The following TBXAS1 variants were observed in gnomAD, a reference collection of about 807,000 sequenced individuals.
TBXAS1 encodes thromboxane-A synthase.
Under a neutral mutation model 60.7 loss-of-function variants are expected in TBXAS1, and 48 were observed. The ratio of observed to expected loss-of-function variants is 0.79; its 90% CI spans 0.63 to 1.01. The LOEUF is 1.01. TBXAS1 is among the 50% of genes least tolerant of loss of function. The pLI is 0.00. For synonymous variants in TBXAS1, 287 were observed against 269.7 expected (o/e 1.06, Z -0.63); for missense variants, 685 against 686.3 (o/e 1.00, Z 0.02).
intron 1 of TBXAS1, among the ~76,000 whole-genome samples, chr7:139,836,752 A>G (rs1324078873): frequency 6.6e-6 from 1 of 152,246 alleles, no homozygotes; most frequent in East Asian, 1.9e-4. Flanking sequence ...ACATTGGCTT[A>G]GGCAAGGATT....
chr7:139,827,157 C>G (rs565485827), upstream of TBXAS1, among the ~76,000 whole-genome samples: 2 of 152,336 alleles, frequency 1.3e-5, no homozygotes, highest in South Asian at 2.1e-4. Context: ...TGTGTGCCCT[C>G]CCTGTCTTTT....
chr7:139,925,760 G>A (rs1352166449), intron 4 of TBXAS1, among the ~76,000 whole-genome samples: 1 of 152,148 alleles, frequency 6.6e-6, no homozygotes, highest in Non-Finnish European at 1.5e-5. Context: ...TCCCCATTCA[G>A]TATGATACTA....
intron 3 of TBXAS1, among the ~76,000 whole-genome samples, chr7:139,905,232 G>A (rs1472272267): frequency 6.6e-6 from 1 of 151,870 alleles, no homozygotes; most frequent in African/African-American, 2.4e-5. Context: ...TCCCCATTCA[G>A]TATTATGTTG....
At chr7:139,923,499 T>G (rs1333757690) in intron 4 of TBXAS1, among the ~76,000 whole-genome samples, 1 of 151,892 alleles carries the variant, frequency 6.6e-6, no homozygotes, top group Non-Finnish European at 1.5e-5. Flanking sequence ...ATGGGGTATA[T>G]GAAATATTTT....
intron 4 of TBXAS1, among the ~76,000 whole-genome samples, chr7:139,811,785 T>G (rs113062432): frequency 2.6e-5 from 4 of 152,214 alleles, no homozygotes; most frequent in Non-Finnish European, 5.9e-5. Flanking sequence ...TGGCATGGAA[T>G]GTACTCTGTT....
intron 3 of TBXAS1, among the ~76,000 whole-genome samples, chr7:139,901,400 A>G (rs1317012719): frequency 6.6e-6 from 1 of 152,154 alleles, no homozygotes; most frequent in Non-Finnish European, 1.5e-5. Context: ...TGAAAGTAGA[A>G]GTATTATTTT....
intron 5 of TBXAS1, among the ~76,000 whole-genome samples, chr7:139,946,479 T>C (rs1489358528): frequency 6.6e-6 from 1 of 152,224 alleles, no homozygotes; most frequent in African/African-American, 2.4e-5. Context: ...ATGACAACCA[T>C]ATTCCAGGTG....
At chr7:139,917,487 G>A (rs1806093454) in intron 4 of TBXAS1, among the ~76,000 whole-genome samples, 1 of 152,168 alleles carries the variant, frequency 6.6e-6, no homozygotes, top group Admixed American at 6.5e-5. Flanking sequence ...AGTCGCAATG[G>A]GATGCCTGTC....
At chr7:139,835,209 G>A (rs1007521711) in intron 1 of TBXAS1, among the ~76,000 whole-genome samples, 3 of 151,920 alleles carry the variant, frequency 2.0e-5, no homozygotes, top group Non-Finnish European at 2.9e-5. Flanking sequence ...TGGCACTACA[G>A]GTGCCCGCCA....
chr7:140,017,896 T>C, intron 12 of TBXAS1, 63 bp downstream of exon 12: 17 of 1,611,268 alleles, frequency 1.1e-5, no homozygotes, highest in Non-Finnish European at 1.4e-5. Flanking sequence ...CCCAGTTCTC[T>C]GCGTGAGAGC....
chr7:140,014,336 CG>C (rs1814849915), intron 10 of TBXAS1, among the ~76,000 whole-genome samples: 1 of 152,138 alleles, frequency 6.6e-6, no homozygotes, highest in Admixed American at 6.5e-5. Flanking sequence ...CTGCTCAGGC[CG>C]ACTTCGAGGA....
At chr7:139,840,984 A>C (rs1799399822) in intron 1 of TBXAS1, among the ~76,000 whole-genome samples, 1 of 152,016 alleles carries the variant, frequency 6.6e-6, no homozygotes, top group Non-Finnish European at 1.5e-5. Context: ...GCGCTCTTGC[A>C]TGGGTCAGTC....
At chr7:139,984,894 G>T (rs1812310560) in intron 9 of TBXAS1, among the ~76,000 whole-genome samples, 1 of 134,126 alleles carries the variant, frequency 7.5e-6, no homozygotes, top group Admixed American at 7.8e-5. Context: ...AAAGAAAGCA[G>T]CAAAGAAAGA....
chr7:139,884,202 G>A (rs1260640507), intron 3 of TBXAS1, among the ~76,000 whole-genome samples: 3 of 152,230 alleles, frequency 2.0e-5, no homozygotes, highest in South Asian at 2.1e-4. Context: ...ACCAGCTCCC[G>A]CACCTGACTG....
intron 3 of TBXAS1, among the ~76,000 whole-genome samples, chr7:139,899,175 TG>T (rs1251045767): frequency 6.6e-6 from 1 of 152,218 alleles, no homozygotes; most frequent in African/African-American, 2.4e-5. Context: ...AAATGCTTTC[TG>T]AAGGGACTAG....
Position 139,911,232 on chromosome 7 carries a change from C to T in TBXAS1, c.244C>T (p.Leu82Phe). ...KLYGPLCGYY[L>F]GRRMFIVISE... is the part of the protein sequence containing the mutation. The stretch of plus-strand genomic sequence containing the variant: ...ATTTTTTATTCCTCCCAGGTACTAT[C>T]TTGGTCGTCGGATGTTTATTGTTAT... Residue 82 changes from leucine to phenylalanine, a missense_variant, in exon 4 of 13, where the codon CTT becomes TTT. Physicochemically the swap from Leu to Phe is conservative, Grantham distance 22. Coordinates refer to ENST00000448866, the MANE Select transcript of TBXAS1 (RefSeq NM_001061.7). The T allele has an allele frequency of 6.2e-7, 1 of 1,614,114 alleles. No individual in the cohort carries two copies. Among genetic ancestry groups the T allele is most frequent in the South Asian group, 1.1e-5 (1 of 91,078 alleles).
At chr7:139,932,276 G>T (rs1209289821) in intron 4 of TBXAS1, among the ~76,000 whole-genome samples, 2 of 151,976 alleles carry the variant, frequency 1.3e-5, no homozygotes, top group African/African-American at 4.8e-5. Flanking sequence ...AGAGTGTCTG[G>T]AGTGGCTTTC....
Position 140,017,529 on chromosome 7 carries a change from G to C in TBXAS1, c.1365-142G>C, listed in dbSNP as rs1300820850. ...GAGGCCAGGAGCAGAGAGGGACTGA[G>C]GCTCAGGAATGAGCAGCCATCAGCT... On this transcript the variant is annotated intron_variant, in intron 11 of 12. Coordinates refer to ENST00000448866, the MANE Select transcript of TBXAS1 (RefSeq NM_001061.7). 2.7e-6 allele frequency: 3 copies of C among 1,119,922 alleles called. No homozygotes were observed. In the East Asian group the frequency reaches 7.5e-5, roughly 28 times the overall value. The allele number at this position is 1,119,922 out of a possible 1,614,324, so 69.4% of individuals were successfully genotyped here.
chr7:139,786,511 A>G (rs1797205908), intron 3 of TBXAS1, among the ~76,000 whole-genome samples: 1 of 152,068 alleles, frequency 6.6e-6, no homozygotes, highest in South Asian at 2.1e-4. Context: ...TCAAGGCTTA[A>G]TTTTATTTTT....
Sources: gnomAD v4.1 joint callset for allele counts (sites outside exome capture counted in the v4.1 genomes callset) on GRCh38, gnomAD v4.1.1 for gene constraint, MANE v1.5 for transcripts, NCBI Gene and HGNC (gene_info 2026-07-23, HGNC 2026-07-21) for gene names.